Variants in CHD9 observed in about 807,000 individuals in gnomAD.
CHD9 encodes the protein ATP-dependent chromatin remodeler CHD9.
CHD9 carries 77 observed loss-of-function variants against 316.1 expected under a neutral mutation model. The ratio of observed to expected loss-of-function variants is 0.24; its 90% confidence interval spans 0.20 to 0.29. The LOEUF (loss-of-function observed/expected upper bound fraction) is 0.29, where lower values mean the gene tolerates loss of function less well. Among genes scored for constraint, CHD9 ranks in the 10% least tolerant of loss-of-function variants. CHD9 has a pLI of 1.00. For missense variants in CHD9, 2,763 were observed against 3,438.1 expected (o/e 0.80, Z 4.91); for synonymous variants, 1,129 against 1,158.3 (o/e 0.97, Z 0.51).
chr16:53,163,437 C>T (rs1597231168), intron 2 of CHD9, among the ~76,000 whole-genome samples: 1 of 152,038 alleles, frequency 6.6e-6, no homozygotes, highest in Admixed American at 6.6e-5. Context: ...CTTGAACTAC[C>T]GACCTCAGGT....
At chr16:53,225,060 C>T (rs2047537746) in intron 4 of CHD9, among the ~76,000 whole-genome samples, 2 of 152,078 alleles carry the variant, frequency 1.3e-5, no homozygotes, top group South Asian at 2.1e-4. Context: ...ATATGAGTGC[C>T]TTTCTTTCTC....
rs780848341 is a variant in CHD9, at chr16:53,321,644, G to A, written c.7818+14G>A. 7.4e-6 allele frequency: 10 copies of A among 1,350,332 alleles called. No homozygotes were observed. The highest frequency in any genetic ancestry group is 4.3e-5 in the African/African-American group (3 of 70,246). 83.6% of individuals were successfully genotyped at this position (1,350,332 alleles called of 1,614,324 possible). On this transcript the variant is annotated intron_variant, in intron 38 of 38. Transcript: ENST00000447540. ...GTTAAGCAATCTGTGAGTATTTTAC[G>A]AATACTAACTCATACATTATTTTCA...
chr16:53,308,941 T>A (rs2056228397), intron 34 of CHD9, 87 bp downstream of exon 34: 1 of 1,094,746 alleles, frequency 9.1e-7, no homozygotes, highest in African/African-American at 1.6e-5. Context: ...AATAAAAATT[T>A]ATTTTTCCTT....
At chr16:53,222,499 A>G in intron 3 of CHD9, 145 bp from the exon 4 acceptor site, 3 of 578,604 alleles carry the variant, frequency 5.2e-6, no homozygotes, top group South Asian at 2.2e-5. Flanking sequence ...GAAAATGTCA[A>G]CGTGGATTTC....
chr16:53,243,190 T>C (rs1485347347), intron 13 of CHD9, among the ~76,000 whole-genome samples, 174 bp downstream of exon 13: 2 of 152,338 alleles, frequency 1.3e-5, no homozygotes, highest in African/African-American at 2.4e-5. Flanking sequence ...AAAAAAATTC[T>C]GTTTCCTACG....
intron 1 of CHD9, among the ~76,000 whole-genome samples, chr16:53,136,021 CT>C (rs1422890438): frequency 6.6e-6 from 1 of 151,942 alleles, no homozygotes; most frequent in Non-Finnish European, 1.5e-5. Flanking sequence ...CAGTTATTAG[CT>C]TGTAAGGGAG....
chr16:53,291,659 CTT>C (rs925780151), intron 27 of CHD9, 64 bp from the exon 28 acceptor site: 20 of 1,095,696 alleles, frequency 1.8e-5, no homozygotes, highest in African/African-American at 1.1e-4. Flanking sequence ...GTTTGATTCT[CTT>C]TTCTTTTTTT....
intron 2 of CHD9, among the ~76,000 whole-genome samples, chr16:53,170,144 G>T: frequency 1.3e-5 from 2 of 149,092 alleles, no homozygotes; most frequent in Non-Finnish European, 1.5e-5. Context: ...TCCCATTATT[G>T]GTGATGCTTG....
At position 53,156,165 on chromosome 16, in the gene CHD9, G is replaced by A; in HGVS notation, c.76G>A (p.Ala26Thr). 6.2e-7 allele frequency: 1 copy of A among 1,613,938 alleles called. No homozygotes were observed. Among genetic ancestry groups the A allele is most frequent in the Non-Finnish European group, 8.5e-7 (1 of 1,179,870 alleles). Residue 26 changes from alanine to threonine, a missense_variant, in exon 2 of 39, where the codon GCA (alanine) becomes ACA (threonine). This residue lies in a region of CHD9 where 859 missense variants were observed against 890.4 expected (regional missense o/e 0.96). Coordinates refer to ENST00000447540, the MANE Select transcript of CHD9 (RefSeq NM_001308319.2). ...GETLEGLSDD[A>T]FVQPGPVSLV... The stretch of plus-strand genomic sequence containing the variant: ...GACCTTAGAAGGTTTGTCAGATGAT[G>A]CATTTGTACAACCAGGACCTGTTTC...
In CHD9 at chr16:53,055,002, G is replaced by T. The variant is rs1177482894; in HGVS notation, c.-240G>T. The T allele has an allele frequency of 6.6e-6, 1 of 152,234 alleles. No homozygotes were observed. Among genetic ancestry groups the T allele is most frequent in the Non-Finnish European group, 1.5e-5 (1 of 68,050 alleles). The allele number at this position is 152,234 out of a possible 1,614,324, so 9.4% of individuals were successfully genotyped here. On this transcript the variant is annotated 5_prime_UTR_variant, in exon 1 of 39. Coordinates refer to ENST00000447540, the MANE Select transcript of CHD9 (RefSeq NM_001308319.2). ...GCGCTCTAGTGGGCGCTTCACAGGC[G>T]CAGCGACAGCGACAGCGACAGCTCG...
intron 1 of CHD9, among the ~76,000 whole-genome samples, chr16:53,145,091 G>A (rs992977226): frequency 4.9e-4 from 74 of 151,350 alleles, no homozygotes; most frequent in Non-Finnish European, 1.0e-3. Flanking sequence ...ATTACTTTCA[G>A]AATACATTGG....
intron 1 of CHD9, among the ~76,000 whole-genome samples, chr16:53,077,562 C>G (rs1436348073): frequency 6.6e-6 from 1 of 150,514 alleles, no homozygotes; most frequent in East Asian, 2.0e-4. Context: ...CTTCTGACTT[C>G]GTGATCCGCC....
chr16:53,214,324 CTTG>C (rs997493603), intron 3 of CHD9, among the ~76,000 whole-genome samples: 1 of 151,980 alleles, frequency 6.6e-6, no homozygotes, highest in Non-Finnish European at 1.5e-5. Flanking sequence ...CTTCATAGTT[CTTG>C]TTAATAAAGT....
At chr16:53,090,128 A>G (rs2035808485) in intron 1 of CHD9, among the ~76,000 whole-genome samples, 3 of 152,186 alleles carry the variant, frequency 2.0e-5, no homozygotes, top group Admixed American at 2.0e-4. Context: ...TGACATCTCC[A>G]AAGAGTCTTC....
intron 4 of CHD9, 129 bp from the exon 5 acceptor site, chr16:53,226,237 G>T: frequency 1.8e-6 from 1 of 555,308 alleles, no homozygotes; most frequent in Non-Finnish European, 3.0e-6. Context: ...AACAAAATAG[G>T]AAAAGATAGT....
At chr16:53,231,889 A>C in intron 10 of CHD9, 105 bp downstream of exon 10, 1 of 1,121,336 alleles carries the variant, frequency 8.9e-7, no homozygotes, top group Non-Finnish European at 1.2e-6. Flanking sequence ...TCTTTTAAAC[A>C]GGCTTGTTAC....
chr16:53,263,876 T>C (rs2051385208), intron 20 of CHD9, among the ~76,000 whole-genome samples: 1 of 152,160 alleles, frequency 6.6e-6, no homozygotes. Context: ...CATGTTCATA[T>C]ACCTAAACAA....
intron 3 of CHD9, among the ~76,000 whole-genome samples, chr16:53,211,289 A>G (rs2046314835): frequency 6.6e-6 from 1 of 152,212 alleles, no homozygotes; most frequent in Admixed American, 6.5e-5. Context: ...CATTGTACAT[A>G]AGAGATAACT....
In CHD9 at chr16:53,156,982, CA is replaced by C. The variant is rs1187147869; in HGVS notation, c.896del (p.Asn299IlefsTer28). On this transcript the variant is annotated frameshift_variant, in exon 2 of 39. Transcript: ENST00000447540. LOFTEE classifies it high-confidence loss of function. ...QSSAVLASNH[T>X]NQTLSDFTGS... ...TCTGCAGTTCTTGCATCTAATCATA[CA>C]AATCAGACTTTATCTGATTTTACTG... 6.2e-7 allele frequency: 1 copy of C among 1,612,002 alleles called. No individual in the cohort carries two copies. Among genetic ancestry groups the C allele is most frequent in the Admixed American group, 1.7e-5 (1 of 60,014 alleles).
Sources: gnomAD v4.1 joint callset for allele counts (sites outside exome capture counted in the v4.1 genomes callset) on GRCh38, gnomAD v4.1.1 for gene constraint, gnomAD v4.1.1 regional missense constraint, MANE v1.5 for transcripts, NCBI Gene and HGNC (gene_info 2026-07-23, HGNC 2026-07-21) for gene names.